Variants in PTPRD observed in about 807,000 individuals in gnomAD.
PTPRD encodes the protein protein tyrosine phosphatase receptor type D.
A neutral mutation model predicts 214.5 loss-of-function variants in PTPRD; 34 were observed. The observed-to-expected ratio is 0.16, with a 90% CI of 0.12 to 0.21. The LOEUF is 0.21. Ranked by LOEUF, PTPRD falls within the 10% of genes least tolerant of loss-of-function variation. The pLI, the probability that PTPRD is intolerant of heterozygous loss-of-function variation, is 1.00. For missense variants in PTPRD, 2,545 were observed against 2,398.7 expected, an observed-to-expected ratio of 1.06 and a Z score of -1.27; for synonymous variants, 1,128 against 845.7, an observed-to-expected ratio of 1.33 and a Z score of -5.79.
chr9:9,361,649 G>T (rs547526602), intron 9 of PTPRD, among the ~76,000 whole-genome samples: 16 of 150,988 alleles, frequency 1.1e-4, no homozygotes, highest in Non-Finnish European at 2.2e-4. Flanking sequence ...ATGCTAGAAA[G>T]ATTTGAATTA....
At chr9:8,796,783 G>T (rs542943228) in intron 11 of PTPRD, among the ~76,000 whole-genome samples, 92 of 152,152 alleles carry the variant, frequency 6.0e-4, no homozygotes, top group African/African-American at 2.1e-3. Context: ...ATTATGTCAA[G>T]TTCCCATAAT....
At chr9:10,059,382 G>T (rs984954885) in intron 3 of PTPRD, among the ~76,000 whole-genome samples, 2 of 152,106 alleles carry the variant, frequency 1.3e-5, no homozygotes, top group Non-Finnish European at 2.9e-5. Context: ...GGAGGCCACA[G>T]TCACAATTGC....
At chr9:8,364,339 CCA>C (rs1364800066) in intron 39 of PTPRD, among the ~76,000 whole-genome samples, 2 of 152,212 alleles carry the variant, frequency 1.3e-5, no homozygotes, top group African/African-American at 2.4e-5. Flanking sequence ...GGACAGTGTA[CCA>C]CACACAGTTT....
At chr9:10,059,046 G>T (rs1164292343) in intron 3 of PTPRD, among the ~76,000 whole-genome samples, 1 of 152,048 alleles carries the variant, frequency 6.6e-6, no homozygotes, top group Non-Finnish European at 1.5e-5. Context: ...ATGCTAAGTT[G>T]AATTTGACAA....
At chr9:9,342,834 A>G (rs1005270972) in intron 9 of PTPRD, among the ~76,000 whole-genome samples, 3 of 151,902 alleles carry the variant, frequency 2.0e-5, no homozygotes, top group African/African-American at 7.3e-5. Flanking sequence ...TACATTAGGC[A>G]TTTCTTCTAA....
At chr9:10,291,028 CTTTT>C (rs546852022) in intron 3 of PTPRD, among the ~76,000 whole-genome samples, 1 of 130,634 alleles carries the variant, frequency 7.7e-6, no homozygotes, top group Admixed American at 7.8e-5. Context: ...AGAATCTACA[CTTTT>C]TTTTTTTTTT....
At chr9:10,578,809 G>C (rs988211018) in intron 2 of PTPRD, among the ~76,000 whole-genome samples, 2 of 152,074 alleles carry the variant, frequency 1.3e-5, no homozygotes, top group Non-Finnish European at 2.9e-5. Flanking sequence ...TCAGAGGTTT[G>C]GGGTACAAAC....
At chr9:8,547,249 C>A (rs2080450757) in intron 14 of PTPRD, among the ~76,000 whole-genome samples, 1 of 151,496 alleles carries the variant, frequency 6.6e-6, no homozygotes, top group East Asian at 1.9e-4. Flanking sequence ...TTATGCTAAA[C>A]CAAAAACAAT....
At chr9:9,182,038 A>G (rs1395574386) in intron 10 of PTPRD, among the ~76,000 whole-genome samples, 1 of 152,082 alleles carries the variant, frequency 6.6e-6, no homozygotes, top group Non-Finnish European at 1.5e-5. Context: ...AAAGAATAAC[A>G]CATCAATTTG....
chr9:8,546,479 T>A (rs572321942), intron 14 of PTPRD, among the ~76,000 whole-genome samples: 1 of 152,140 alleles, frequency 6.6e-6, no homozygotes, highest in South Asian at 2.1e-4. Flanking sequence ...GGGAATATTA[T>A]GGTTTTTCTT....
At chr9:9,138,715 C>G (rs1484354744) in intron 10 of PTPRD, among the ~76,000 whole-genome samples, 3 of 152,082 alleles carry the variant, frequency 2.0e-5, no homozygotes, top group Admixed American at 6.5e-5. Context: ...TTATGCTACA[C>G]ATTTTAATTC....
chr9:8,572,240 A>G (rs1345306262), intron 14 of PTPRD, among the ~76,000 whole-genome samples: 1 of 152,070 alleles, frequency 6.6e-6, no homozygotes, highest in Non-Finnish European at 1.5e-5. Context: ...TAGTTTCTTT[A>G]TTTGTAAAAT....
chr9:8,352,552 A>T (rs898798313), intron 39 of PTPRD, among the ~76,000 whole-genome samples: 1 of 152,130 alleles, frequency 6.6e-6, no homozygotes, highest in African/African-American at 2.4e-5. Flanking sequence ...ATACTGCTCA[A>T]CCCAAAGGAA....
At chr9:10,264,785 T>C (rs1190016512) in intron 3 of PTPRD, among the ~76,000 whole-genome samples, 1 of 151,962 alleles carries the variant, frequency 6.6e-6, no homozygotes, top group East Asian at 1.9e-4. Context: ...AATGATATGG[T>C]TTTGCTGTGT....
chr9:10,110,287 A>G (rs1197639750), intron 3 of PTPRD, among the ~76,000 whole-genome samples: 4 of 152,170 alleles, frequency 2.6e-5, no homozygotes, highest in African/African-American at 9.7e-5. Flanking sequence ...TTCATTCTCT[A>G]CCATCTCCCT....
chr9:9,576,397 TC>T (rs1463058637), intron 7 of PTPRD, among the ~76,000 whole-genome samples: 1 of 152,082 alleles, frequency 6.6e-6, no homozygotes, highest in East Asian at 1.9e-4. Flanking sequence ...CCAGTAGACC[TC>T]CCGGGCTCAT....
chr9:9,994,967 A>C (rs541230098), intron 4 of PTPRD, among the ~76,000 whole-genome samples: 3 of 152,230 alleles, frequency 2.0e-5, no homozygotes, highest in East Asian at 1.9e-4. Context: ...CCTTTAGTAC[A>C]TTTAAAATTT....
chr9:8,439,597 C>A (rs143466451), intron 34 of PTPRD, among the ~76,000 whole-genome samples: 2 of 151,920 alleles, frequency 1.3e-5, no homozygotes, highest in East Asian at 3.9e-4. Context: ...CAGAAAAGAC[C>A]GAATGTCGGC....
intron 11 of PTPRD, among the ~76,000 whole-genome samples, chr9:8,750,262 AT>A (rs751900473): frequency 1.3e-5 from 2 of 151,690 alleles, no homozygotes; most frequent in Non-Finnish European, 2.9e-5. Flanking sequence ...GGTTCAAGCG[AT>A]TCTTCTGCCT....
Sources: gnomAD v4.1 joint callset for allele counts (sites outside exome capture counted in the v4.1 genomes callset) on GRCh38, gnomAD v4.1.1 for gene constraint, MANE v1.5 for transcripts, NCBI Gene and HGNC (gene_info 2026-07-23, HGNC 2026-07-21) for gene names.